Variants in CHID1 observed in about 807,000 individuals in gnomAD.
CHID1 encodes chitinase domain containing 1, also known as chitinase domain-containing protein 1.
In CHID1, 44 loss-of-function variants were observed where a neutral mutation model predicts 55.4. The observed-to-expected ratio is 0.79, with a 90% CI of 0.62 to 1.02. The LOEUF is 1.02. Among genes scored for constraint, CHID1 ranks in the 50% least tolerant of loss-of-function variants. The probability of loss-of-function intolerance (pLI) is 0.00; values close to 1 mark genes in which losing one functional copy is unlikely to be tolerated. For synonymous variants in CHID1, 216 were observed against 212.9 expected, an observed-to-expected ratio of 1.01 and a Z score of -0.13; for missense variants, 491 against 515.3, an observed-to-expected ratio of 0.95 and a Z score of 0.46.
At chr11:910,624 T>A (rs530541310) in intron 1 of CHID1, 151 bp downstream of exon 1, 1 of 1,259,886 alleles carries the variant, frequency 7.9e-7, no homozygotes, top group African/African-American at 1.6e-5. Context: ...CTCACACACT[T>A]GCTCTCTCTC....
At chr11:876,344 G>A (rs1849514247) in intron 10 of CHID1, among the ~76,000 whole-genome samples, 1 of 152,202 alleles carries the variant, frequency 6.6e-6, no homozygotes, top group Admixed American at 6.5e-5. Context: ...AGGACCACAG[G>A]GTGCAGATGA....
At chr11:886,369 G>C (rs1482941354) in intron 8 of CHID1, among the ~76,000 whole-genome samples, 2 of 150,782 alleles carry the variant, frequency 1.3e-5, no homozygotes, top group African/African-American at 4.9e-5. Context: ...TGAGGTGGGA[G>C]GATGGCTTGA....
intron 1 of CHID1, among the ~76,000 whole-genome samples, chr11:909,383 C>T (rs2134385042): frequency 6.6e-6 from 1 of 152,378 alleles, no homozygotes; most frequent in East Asian, 1.9e-4. Context: ...GGCCCCGACC[C>T]TGGTCACCCA....
intron 1 of CHID1, among the ~76,000 whole-genome samples, chr11:905,229 T>C (rs1197559359): frequency 1.3e-5 from 2 of 152,250 alleles, no homozygotes; most frequent in Non-Finnish European, 2.9e-5. Flanking sequence ...ATGGTAGGGC[T>C]TAAGTGTAAA....
At chr11:880,178 G>T (rs115312997) in intron 10 of CHID1, among the ~76,000 whole-genome samples, 2 of 152,244 alleles carry the variant, frequency 1.3e-5, no homozygotes, top group African/African-American at 4.8e-5. Flanking sequence ...CATCGCCCTC[G>T]CCTGTGCGGA....
intron 4 of CHID1, among the ~76,000 whole-genome samples, chr11:901,336 C>T (rs1005858666): frequency 1.6e-4 from 24 of 152,196 alleles, no homozygotes; most frequent in Non-Finnish European, 2.6e-4. Context: ...GATGGCCAGA[C>T]CCGCCAGGCC....
intron 10 of CHID1, among the ~76,000 whole-genome samples, chr11:878,910 G>A (rs1004167005): frequency 6.6e-6 from 1 of 151,896 alleles, no homozygotes; most frequent in Non-Finnish European, 1.5e-5. Context: ...GCAGTGGTGC[G>A]ATCTGGGCTC....
rs529816661 is a variant in CHID1, at chr11:868,772, G to C, written c.*1086C>G. On this transcript the variant is annotated 3_prime_UTR_variant, in exon 13 of 13. Coordinates refer to ENST00000323578, the MANE Select transcript of CHID1 (RefSeq NM_023947.4). Reference sequence around the variant, plus strand: ...ATTACTGACTCTAAACCAGAACCCAGTGCCCACCCTGTCCTCACCGTCCTC... The same window carrying C: ...ATTACTGACTCTAAACCAGAACCCACTGCCCACCCTGTCCTCACCGTCCTC... 2 of 152,218 alleles carry C rather than the reference G, an allele frequency of 1.3e-5. No individual in the cohort carries two copies. Among genetic ancestry groups the C allele is most frequent in the Non-Finnish European group, 2.9e-5 (2 of 68,112 alleles). 9.4% of individuals were successfully genotyped at this position (152,218 alleles called of 1,614,324 possible). A position where few individuals can be genotyped will look rare whatever the true frequency, so the allele number is the denominator to read the frequency against.
rs761293469 is a variant in CHID1, at chr11:900,049, C to T, written c.501G>A (p.Glu167=). The change falls in exon 6 of 13, where the codon GAG becomes GAA. Residue 167 remains glutamate (E), a synonymous_variant. Coordinates refer to ENST00000323578, the MANE Select transcript of CHID1 (RefSeq NM_023947.4). The part of the protein sequence containing the change: ...YDDFRNVLDS[E]DEIEELSKTV... ...TCTTGCTCAGCTCCTCTATCTCATC[C>T]TCACTGTCTAAGACGTTCCGGAAAT... The T allele has an allele frequency of 1.2e-6, 2 of 1,614,134 alleles. No individual in the cohort carries two copies. The highest frequency in any genetic ancestry group is 1.1e-5 in the South Asian group (1 of 91,090).
chr11:906,494 A>G lies in CHID1; in HGVS notation c.-43-1635T>C, dbSNP rs999748224. 5.9e-5 allele frequency among the ~76,000 whole-genome samples: 9 copies of G among 151,276 alleles called. No individual in the cohort carries two copies. In the South Asian group the frequency reaches 1.9e-3, roughly 32 times the overall value. On this transcript the variant is annotated intron_variant, in intron 1 of 12. Coordinates refer to ENST00000323578, the MANE Select transcript of CHID1 (RefSeq NM_023947.4). ...CCTCCCGTGATCTGCCTGCCTCCCAAAATGAGCCACCGCGCCCAGCCATGG... is the reference window on the plus strand; with the variant it reads ...CCTCCCGTGATCTGCCTGCCTCCCAGAATGAGCCACCGCGCCCAGCCATGG...
chr11:910,939 G>A, upstream of CHID1: 1 of 372,052 alleles, frequency 2.7e-6, no homozygotes, highest in Non-Finnish European at 3.6e-6. Context: ...CCCGAAAGTC[G>A]GGGCCGGGGC....
In CHID1 at chr11:904,719, G is replaced by A. The variant is rs1009120068; in HGVS notation, c.98C>T (p.Thr33Met). The A allele has an allele frequency of 2.9e-5, 46 of 1,614,016 alleles. No individual in the cohort carries two copies. Among genetic ancestry groups the A allele is most frequent in the Middle Eastern group, 1.6e-4 (1 of 6,084 alleles). Residue 33 changes from threonine (T) to methionine (M), a missense_variant, in exon 2 of 13, where the codon ACG (threonine) becomes ATG (methionine). Coordinates refer to ENST00000323578, the MANE Select transcript of CHID1 (RefSeq NM_023947.4). ...KSDAKKAASK[T>M]LLEKSQFSDK... ...GGCCACCCTTACCTTCTCCAGCAGC[G>A]TCTTTGAGGCGGCTTTTTTGGCATC... is the stretch of plus-strand genomic sequence containing the variant.
At chr11:904,896 G>A (rs753603436) in intron 1 of CHID1, 37 bp from the exon 2 acceptor site, 1 of 1,604,870 alleles carries the variant, frequency 6.2e-7, no homozygotes, top group Non-Finnish European at 8.5e-7. Context: ...ACAACCGGCA[G>A]AGAAATGCAG....
intron 8 of CHID1, among the ~76,000 whole-genome samples, chr11:888,596 C>A (rs1005039335): frequency 4.6e-5 from 7 of 152,242 alleles, no homozygotes; most frequent in Admixed American, 2.0e-4. Flanking sequence ...CTGCTCACAC[C>A]GAAAACACCA....
intron 10 of CHID1, chr11:870,796 G>C (rs1849127967): frequency 2.8e-6 from 1 of 355,438 alleles, no homozygotes; most frequent in Non-Finnish European, 5.3e-6. Flanking sequence ...TGAGCCTGAG[G>C]GTGACCCTCA....
chr11:889,437 G>C (rs980891739), intron 8 of CHID1, among the ~76,000 whole-genome samples: 2 of 152,062 alleles, frequency 1.3e-5, no homozygotes, highest in South Asian at 4.1e-4. Flanking sequence ...CCCTCCCGCC[G>C]CCATCTGCTG....
At position 869,489 on chromosome 11, in the gene CHID1, G is replaced by C. The variant is rs1849025901; in HGVS notation, c.*369C>G. ...GGCCCTCGAATCCAGGAGTGGGCGA[G>C]TCCGGGATGGTTCCAGAGCTTCCAA... On this transcript the variant is annotated 3_prime_UTR_variant, in exon 13 of 13. Coordinates refer to ENST00000323578, the MANE Select transcript of CHID1 (RefSeq NM_023947.4). 1 of 317,024 alleles carries C rather than the reference G, an allele frequency of 3.2e-6. No homozygotes were observed. Among genetic ancestry groups the C allele is most frequent in the Non-Finnish European group, 5.9e-6 (1 of 168,294 alleles). 19.6% of individuals were successfully genotyped at this position (317,024 alleles called of 1,614,324 possible). A position where few individuals can be genotyped will look rare whatever the true frequency, so the allele number is the denominator to read the frequency against.
At chr11:870,718 C>T (rs182311777) in intron 10 of CHID1, 53 of 535,114 alleles carry the variant, frequency 9.9e-5, no homozygotes, top group African/African-American at 8.9e-4. Flanking sequence ...CCAGGAGCTT[C>T]CTCGGAAGAA....
chr11:894,112 ACT>A (rs1421231077), intron 7 of CHID1, among the ~76,000 whole-genome samples: 1 of 120,350 alleles, frequency 8.3e-6, no homozygotes, highest in Non-Finnish European at 1.6e-5. Flanking sequence ...GAAGAGCATG[ACT>A]CTGTCTCAAA....
Sources: allele counts gnomAD v4.1 joint callset (sites outside exome capture counted in the v4.1 genomes callset), GRCh38; gene constraint gnomAD v4.1.1; transcripts MANE v1.5; gene names NCBI Gene and HGNC (gene_info 2026-07-23, HGNC 2026-07-21).